Variants in GPR158 observed in about 807,000 individuals in gnomAD.
GPR158 encodes metabotropic glycine receptor.
GPR158 carries 30 observed loss-of-function variants against 78.2 expected under a neutral mutation model. The ratio of observed to expected loss-of-function variants is 0.38; its 90% CI spans 0.29 to 0.52. The LOEUF (loss-of-function observed/expected upper bound fraction) is 0.52, where lower values mean the gene tolerates loss of function less well. Ranked by LOEUF, GPR158 falls within the 20% of genes least tolerant of loss-of-function variation. The pLI, the probability that GPR158 is intolerant of heterozygous loss-of-function variation, is 0.83. For synonymous variants in GPR158, 581 were observed against 591.1 expected (o/e 0.98, Z 0.25); for missense variants, 1,463 against 1,523.5 (o/e 0.96, Z 0.66).
intron 2 of GPR158, among the ~76,000 whole-genome samples, chr10:25,338,564 G>GTATATTATTATATATAATACATATTACA (rs1564426381): frequency 1.0e-3 from 132 of 130,530 alleles, no homozygotes; most frequent in South Asian, 3.1e-3. Flanking sequence ...AATACGTATT[G>GTATATTATTATATATAATACATATTACA]TATATTATTA....
At position 25,515,361 on chromosome 10, in the gene GPR158, T is replaced by C. The variant is rs189303360; in HGVS notation, c.1405-35615T>C. On this transcript the variant is annotated intron_variant, in intron 5 of 10. Coordinates refer to ENST00000376351, the MANE Select transcript of GPR158 (RefSeq NM_020752.3). ...AGAAATTGTGATTGTTTTTAATTTA[T>C]GTTATCTATTTCTTTTTTTTTTTAT... Among the ~76,000 whole-genome samples, 6 of 152,192 alleles carry C rather than the reference T, an allele frequency of 3.9e-5. No homozygotes were observed. In the East Asian group the frequency reaches 5.8e-4, roughly 15 times the overall value.
chr10:25,372,456 C>T (rs1056331814), intron 2 of GPR158, among the ~76,000 whole-genome samples: 2 of 144,064 alleles, frequency 1.4e-5, no homozygotes, highest in Non-Finnish European at 3.1e-5. Flanking sequence ...TTGGAACCAA[C>T]CCAAATGTCC....
rs200332195 is a variant in GPR158, at chr10:25,599,253, C to T, written c.3627C>T (p.Ile1209=). The T allele has an allele frequency of 4.3e-6, 7 of 1,611,068 alleles. No homozygotes were observed. In the East Asian group the frequency reaches 1.6e-4, roughly 36 times the overall value. Residue 1209 remains isoleucine (I), a synonymous_variant, in exon 11 of 11, where the codon ATC becomes ATT. Coordinates refer to ENST00000376351, the MANE Select transcript of GPR158 (RefSeq NM_020752.3). The stretch of plus-strand genomic sequence containing the variant: ...TAGCAGGGCCTAGGAAAGAAGAGAT[C>T]TGGGATAGTTTTAAAGTGTAGCATC... ...NKIAGPRKEE[I]WDSFKV
intron 5 of GPR158, among the ~76,000 whole-genome samples, chr10:25,521,230 C>T (rs980130144): frequency 1.5e-4 from 23 of 152,218 alleles, no homozygotes; most frequent in Non-Finnish European, 3.1e-4. Context: ...GGCTCGCGCA[C>T]GGTGCACGCA....
chr10:25,341,873 G>T (rs1855307962), intron 2 of GPR158, among the ~76,000 whole-genome samples: 1 of 151,620 alleles, frequency 6.6e-6, no homozygotes, highest in Admixed American at 6.6e-5. Context: ...CAGAGCAAAT[G>T]AAAATCTAAG....
intron 2 of GPR158, among the ~76,000 whole-genome samples, chr10:25,252,769 T>C (rs1588759747): frequency 1.3e-5 from 2 of 152,280 alleles, no homozygotes; most frequent in East Asian, 3.9e-4. Context: ...GTCTTTTTGT[T>C]TGTCTGTGCC....
chr10:25,511,807 T>C (rs192014647), intron 5 of GPR158, among the ~76,000 whole-genome samples: 20 of 152,316 alleles, frequency 1.3e-4, no homozygotes, highest in African/African-American at 4.8e-4. Context: ...CCCCACTTTA[T>C]GTTTTTGTTT....
intron 1 of GPR158, among the ~76,000 whole-genome samples, chr10:25,219,117 T>C (rs1021285975): frequency 6.6e-6 from 1 of 152,208 alleles, no homozygotes; most frequent in Non-Finnish European, 1.5e-5. Context: ...CCTACTTCGA[T>C]TGAAAGTTCT....
At chr10:25,279,487 C>T (rs1282760349) in intron 2 of GPR158, among the ~76,000 whole-genome samples, 2 of 151,680 alleles carry the variant, frequency 1.3e-5, no homozygotes, top group African/African-American at 2.4e-5. Flanking sequence ...AATCAAGCTA[C>T]CTTTTAAGCA....
At chr10:25,293,933 G>A (rs1854475406) in intron 2 of GPR158, among the ~76,000 whole-genome samples, 3 of 152,048 alleles carry the variant, frequency 2.0e-5, no homozygotes, top group Admixed American at 1.3e-4. Flanking sequence ...TTTTAGCAGA[G>A]ACAGGGTTTC....
intron 7 of GPR158, among the ~76,000 whole-genome samples, chr10:25,576,337 T>C (rs1441384686): frequency 6.6e-6 from 1 of 152,186 alleles, no homozygotes; most frequent in Non-Finnish European, 1.5e-5. Context: ...AACTCCTTTC[T>C]GATCACAACC....
chr10:25,487,416 T>G (rs577126891), intron 5 of GPR158, among the ~76,000 whole-genome samples: 13 of 152,322 alleles, frequency 8.5e-5, no homozygotes, highest in African/African-American at 3.1e-4. Context: ...ATTTTCCTCC[T>G]TGGCCGTAAA....
At position 25,581,085 on chromosome 10, in the gene GPR158, C is replaced by T. The variant is rs191451707; in HGVS notation, c.1754-7922C>T. Among the ~76,000 whole-genome samples, 37 of 150,832 alleles carry T rather than the reference C, an allele frequency of 2.5e-4. No individual in the cohort carries two copies. In the East Asian group the frequency reaches 5.8e-3, roughly 24 times the overall value. On this transcript the variant is annotated intron_variant, in intron 7 of 10. Coordinates refer to ENST00000376351, the MANE Select transcript of GPR158 (RefSeq NM_020752.3). ...GACTACAGGCGCCCGCCACCGCGCC[C>T]GGCTAATTTTTTTTTTGTATTTTTA...
At chr10:25,380,998 A>G (rs540992692) in intron 2 of GPR158, among the ~76,000 whole-genome samples, 5 of 152,356 alleles carry the variant, frequency 3.3e-5, no homozygotes, top group African/African-American at 1.2e-4. Context: ...TTATAAAATG[A>G]CACAGAGATC....
chr10:25,260,385 C>G (rs116129367), intron 2 of GPR158, among the ~76,000 whole-genome samples: 2 of 152,082 alleles, frequency 1.3e-5, no homozygotes, highest in East Asian at 3.9e-4. Context: ...CATGTTCTTC[C>G]AGAGAAAAAT....
chr10:25,576,129 C>A (rs1387786882), intron 7 of GPR158, among the ~76,000 whole-genome samples: 1 of 151,828 alleles, frequency 6.6e-6, no homozygotes, highest in African/African-American at 2.4e-5. Context: ...CTGGTGAAAT[C>A]TGAAGTTTTA....
At chr10:25,496,113 A>G (rs542944639) in intron 5 of GPR158, among the ~76,000 whole-genome samples, 1 of 152,320 alleles carries the variant, frequency 6.6e-6, no homozygotes, top group East Asian at 1.9e-4. Flanking sequence ...AGGCTAATTC[A>G]GTACTTTATT....
At chr10:25,363,310 T>C (rs1855670283) in intron 2 of GPR158, among the ~76,000 whole-genome samples, 1 of 151,922 alleles carries the variant, frequency 6.6e-6, no homozygotes, top group South Asian at 2.1e-4. Flanking sequence ...TGGAGTATAT[T>C]CATTATCATT....
At chr10:25,337,992 A>G (rs962109119) in intron 2 of GPR158, among the ~76,000 whole-genome samples, 5 of 151,942 alleles carry the variant, frequency 3.3e-5, no homozygotes, top group Admixed American at 2.0e-4. Context: ...TTATTGACCT[A>G]TAAGAATTCA....
Sources: gnomAD v4.1 joint callset for allele counts (sites outside exome capture counted in the v4.1 genomes callset) on GRCh38, gnomAD v4.1.1 for gene constraint, MANE v1.5 for transcripts, NCBI Gene and HGNC (gene_info 2026-07-23, HGNC 2026-07-21) for gene names.